AKR1A1: variants seen among roughly 807,000 people sequenced by gnomAD.
AKR1A1 encodes HEL-S-165mP.
Under a neutral mutation model 39.2 loss-of-function variants are expected in AKR1A1, and 26 were observed. That is an observed-to-expected ratio of 0.66 (90% CI 0.49 to 0.92). AKR1A1 has a LOEUF of 0.92. Among genes scored for constraint, AKR1A1 ranks in the 40% least tolerant of loss-of-function variants. The probability of loss-of-function intolerance (pLI) is 0.00; values close to 1 mark genes in which losing one functional copy is unlikely to be tolerated. For synonymous variants in AKR1A1, 141 were observed against 155.5 expected, an observed-to-expected ratio of 0.91 and a Z score of 0.69; for missense variants, 378 against 406.5, an observed-to-expected ratio of 0.93 and a Z score of 0.60.
intron 1 of AKR1A1, among the ~76,000 whole-genome samples, chr1:45,560,664 C>T (rs1272348875): frequency 2.0e-5 from 3 of 151,688 alleles, no homozygotes; most frequent in African/African-American, 2.4e-5. Context: ...GGAGCCCACT[C>T]GGGCCTACCA....
intron 8 of AKR1A1, 49 bp downstream of exon 8, chr1:45,569,278 G>C (rs1644385420): frequency 6.6e-7 from 1 of 1,517,924 alleles, no homozygotes; most frequent in Non-Finnish European, 9.2e-7. Flanking sequence ...GATTTGGGGT[G>C]GGATTCTGGC....
At chr1:45,556,499 T>G (rs1644205496) in intron 1 of AKR1A1, among the ~76,000 whole-genome samples, 1 of 151,892 alleles carries the variant, frequency 6.6e-6, no homozygotes, top group Admixed American at 6.6e-5. Context: ...GAGAATCACT[T>G]GAACCTGGGA....
chr1:45,557,613 C>T (rs958537525), intron 1 of AKR1A1, among the ~76,000 whole-genome samples: 9 of 152,136 alleles, frequency 5.9e-5, no homozygotes, highest in East Asian at 1.9e-4. Flanking sequence ...GGGTAATCTG[C>T]GAGAGGCCAA....
chr1:45,553,282 T>C (rs1397741615), intron 1 of AKR1A1, among the ~76,000 whole-genome samples: 1 of 150,916 alleles, frequency 6.6e-6, no homozygotes, highest in Non-Finnish European at 1.5e-5. Context: ...ATTAGCTGGG[T>C]GTGGTGGCAT....
chr1:45,567,764 T>C, intron 4 of AKR1A1: 1 of 406,620 alleles, frequency 2.5e-6, no homozygotes, highest in Non-Finnish European at 4.4e-6. Context: ...GAGGTGGAGC[T>C]TGCAGTGAGC....
chr1:45,568,404 T>C (rs1352138379), intron 5 of AKR1A1, 81 bp from the exon 6 acceptor site: 6 of 1,453,312 alleles, frequency 4.1e-6, no homozygotes, highest in Non-Finnish European at 3.8e-6. Context: ...CAATAGGGGG[T>C]GGTCCAGACA....
chr1:45,559,109 T>C (rs1234290610), intron 1 of AKR1A1, among the ~76,000 whole-genome samples: 2 of 152,344 alleles, frequency 1.3e-5, no homozygotes, highest in Non-Finnish European at 2.9e-5. Context: ...TACCCTTTTC[T>C]TGCCACCCTT....
chr1:45,568,357 G>A, intron 5 of AKR1A1, 128 bp from the exon 6 acceptor site: 1 of 1,270,086 alleles, frequency 7.9e-7, no homozygotes, highest in Non-Finnish European at 1.1e-6. Context: ...ATGGGAAATG[G>A]TGAGAAAAGC....
In AKR1A1 at chr1:45,568,980, GA is replaced by G. The variant is rs1218263027; in HGVS notation, c.808del (p.Ile270SerfsTer17). 3.7e-6 allele frequency: 6 copies of G among 1,614,012 alleles called. No homozygotes were observed. Among genetic ancestry groups the G allele is most frequent in the Non-Finnish European group, 5.1e-6 (6 of 1,180,018 alleles). On this transcript the variant is annotated frameshift_variant, in exon 7 of 9. Transcript: ENST00000351829. LOFTEE classifies it high-confidence loss of function. The stretch of plus-strand genomic sequence containing the variant: ...ATCCCCAAAAGTATCACTCCTTCTC[GA>G]ATCCTTCAGAACATCAAGGTACTTG... ...ICIPKSITPS[R>X]ILQNIKVFDF...
At chr1:45,567,164 T>G in intron 4 of AKR1A1, 144 bp downstream of exon 4, 1 of 1,139,256 alleles carries the variant, frequency 8.8e-7, no homozygotes, top group Non-Finnish European at 1.2e-6. Flanking sequence ...GATCTTAGCC[T>G]CTTCTGCTAC....
At chr1:45,564,785 A>G (rs1448810479) in intron 2 of AKR1A1, among the ~76,000 whole-genome samples, 1 of 151,354 alleles carries the variant, frequency 6.6e-6, no homozygotes, top group Non-Finnish European at 1.5e-5. Context: ...AAAATTATTT[A>G]TTTTTGAAAA....
intron 3 of AKR1A1, 87 bp from the exon 4 acceptor site, chr1:45,566,782 T>C: frequency 6.3e-7 from 1 of 1,593,182 alleles, no homozygotes; most frequent in Non-Finnish European, 8.6e-7. Context: ...GGCATCAGCT[T>C]CCTTCCAGTT....
chr1:45,558,179 G>T (rs1228066614), intron 1 of AKR1A1, among the ~76,000 whole-genome samples: 4 of 151,644 alleles, frequency 2.6e-5, no homozygotes. Flanking sequence ...GCCTCCCAAA[G>T]TGCTGGGGTT....
chr1:45,566,408 G>A (rs1644344022), intron 2 of AKR1A1, among the ~76,000 whole-genome samples, 161 bp from the exon 3 acceptor site: 1 of 152,158 alleles, frequency 6.6e-6, no homozygotes, highest in Non-Finnish European at 1.5e-5. Flanking sequence ...GATTACAGGC[G>A]TGAGCCACCG....
chr1:45,567,009 T>G lies in AKR1A1; in HGVS notation c.345T>G (p.Pro115=), dbSNP rs758878562. The G allele has an allele frequency of 1.2e-6, 2 of 1,613,976 alleles. No homozygotes were observed. Among genetic ancestry groups the G allele is most frequent in the South Asian group, 2.2e-5 (2 of 91,054 alleles). Residue 115 remains proline, a synonymous_variant, in exon 4 of 9, where the codon CCT becomes CCG. Transcript: ENST00000351829. Reference sequence around the variant, plus strand: ...TGGACCTGTACCTGATGCACTGGCCTTATGCCTTTGAGTGAGCCTTGCCAG... The same window carrying G: ...TGGACCTGTACCTGATGCACTGGCCGTATGCCTTTGAGTGAGCCTTGCCAG... ...EYLDLYLMHW[P]YAFERGDNPF...
rs781293829 is a variant in AKR1A1 at position 45,569,944 on chromosome 1, T to C, written c.966T>C (p.Asn322=). 5 of 1,614,170 alleles carry C rather than the reference T, an allele frequency of 3.1e-6. No homozygotes were observed. The highest frequency in any genetic ancestry group is 4.2e-6 in the Non-Finnish European group (5 of 1,179,990). The change falls in exon 9 of 9, where the codon AAT becomes AAC. Residue 322 remains asparagine (N), a synonymous_variant. Coordinates refer to ENST00000351829, the MANE Select transcript of AKR1A1 (RefSeq NM_153326.3). ...RDAGHPLYPF[N]DPY is the part of the protein sequence containing the mutation. ...CAGGGCATCCTCTGTACCCCTTTAA[T>C]GACCCGTACTGAGACCACAGCTTCT...
intron 2 of AKR1A1, among the ~76,000 whole-genome samples, chr1:45,565,436 T>TA (rs576317086): frequency 4.6e-4 from 69 of 148,750 alleles, no homozygotes; most frequent in African/African-American, 7.6e-4. Flanking sequence ...GGCTTTTATT[T>TA]AAAAAAAAAA....
chr1:45,558,397 T>G (rs929342538), intron 1 of AKR1A1, among the ~76,000 whole-genome samples: 10 of 89,170 alleles, frequency 1.1e-4, no homozygotes, highest in African/African-American at 5.4e-4. Context: ...CCCAGCTAAT[T>G]TTTTTTTTTT....
chr1:45,562,147 A>G (rs1053213273), intron 2 of AKR1A1, among the ~76,000 whole-genome samples: 3 of 152,034 alleles, frequency 2.0e-5, no homozygotes, highest in African/African-American at 7.2e-5. Flanking sequence ...GCCCATCCCT[A>G]TGCTATGACC....
Sources: allele counts gnomAD v4.1 joint callset (sites outside exome capture counted in the v4.1 genomes callset), GRCh38; gene constraint gnomAD v4.1.1; transcripts MANE v1.5; gene names NCBI Gene and HGNC (gene_info 2026-07-23, HGNC 2026-07-21).